The following SAMD5 variants were observed in gnomAD, a reference collection of about 807,000 sequenced individuals.
SAMD5 encodes the protein sterile alpha motif domain containing 5.
A neutral mutation model predicts 11.3 loss-of-function variants in SAMD5; 13 were observed. The ratio of observed to expected loss-of-function variants is 1.15; its 90% CI spans 0.75 to 1.83. The LOEUF is 1.83. Ranked by LOEUF, SAMD5 falls within the 40% of genes most tolerant of loss-of-function variation. The probability of loss-of-function intolerance (pLI) is 0.00; values close to 1 mark genes in which losing one functional copy is unlikely to be tolerated. For synonymous variants in SAMD5, 129 were observed against 111.3 expected (o/e 1.16, Z -1.00); for missense variants, 255 against 239.1 (o/e 1.07, Z -0.44).
the SAMD5 span, among the ~76,000 whole-genome samples, chr6:147,932,500 G>A: frequency 1.3e-5 from 2 of 151,768 alleles, no homozygotes; most frequent in Non-Finnish European, 2.9e-5. Flanking sequence ...TTTAACTCAA[G>A]CAAATACTAA....
the SAMD5 span, among the ~76,000 whole-genome samples, chr6:147,907,321 C>A: frequency 5.1e-4 from 78 of 152,296 alleles, no homozygotes; most frequent in Non-Finnish European, 9.3e-4. Context: ...TAAATATTCT[C>A]TCCTCCCTTC....
At chr6:147,745,569 T>C in the SAMD5 span, among the ~76,000 whole-genome samples, 1 of 152,288 alleles carries the variant, frequency 6.6e-6, no homozygotes, top group Middle Eastern at 3.4e-3. Flanking sequence ...CAGACAAATC[T>C]GCTCCTGAGA....
chr6:147,635,297 A>G (rs1003547953), intron 1 of SAMD5, among the ~76,000 whole-genome samples: 2 of 152,200 alleles, frequency 1.3e-5, no homozygotes, highest in Admixed American at 6.5e-5. Context: ...TTCATGAAAA[A>G]TAGCCATTTC....
At chr6:147,804,052 C>T in the SAMD5 span, among the ~76,000 whole-genome samples, 1 of 152,004 alleles carries the variant, frequency 6.6e-6, no homozygotes, top group South Asian at 2.1e-4. Flanking sequence ...TATTCAGCCA[C>T]AGCATGTTGG....
the SAMD5 span, among the ~76,000 whole-genome samples, chr6:147,769,924 A>C: frequency 2.6e-5 from 4 of 152,232 alleles, no homozygotes; most frequent in African/African-American, 9.6e-5. Context: ...GCATGAATCC[A>C]GTGGCGCTTG....
chr6:147,830,251 C>CTTTTTTTTTTTTTTTTTTTTTTTTTTTA, the SAMD5 span, among the ~76,000 whole-genome samples: 1 of 84,934 alleles, frequency 1.2e-5, no homozygotes, highest in Non-Finnish European at 2.2e-5. Context: ...TTCTTTCTTT[C>CTTTTTTTTTTTTTTTTTTTTTTTTTTTA]TTTTTTTTTT....
the SAMD5 span, among the ~76,000 whole-genome samples, chr6:147,837,991 C>T: frequency 4.8e-4 from 73 of 151,976 alleles, no homozygotes; most frequent in African/African-American, 7.0e-4. Context: ...TTCCAGTCAC[C>T]GCCCTCAAGA....
At chr6:147,799,435 T>A in the SAMD5 span, among the ~76,000 whole-genome samples, 2 of 151,884 alleles carry the variant, frequency 1.3e-5, no homozygotes, top group Non-Finnish European at 2.9e-5. Flanking sequence ...TGCCGAGAGA[T>A]CCGCTGTTAG....
At chr6:147,723,769 G>C (rs868676533) in intron 1 of SAMD5, among the ~76,000 whole-genome samples, 3 of 152,158 alleles carry the variant, frequency 2.0e-5, no homozygotes, top group Non-Finnish European at 2.9e-5. Flanking sequence ...TCTTTCCTTG[G>C]AGGGAACTGC....
chr6:147,537,563 TA>T (rs2128441690), intron 1 of SAMD5, among the ~76,000 whole-genome samples: 1 of 151,342 alleles, frequency 6.6e-6, no homozygotes, highest in Admixed American at 6.6e-5. Context: ...CTATCCTGGC[TA>T]ACCCGGTGAA....
At chr6:147,843,467 A>G in the SAMD5 span, among the ~76,000 whole-genome samples, 1 of 152,206 alleles carries the variant, frequency 6.6e-6, no homozygotes, top group Non-Finnish European at 1.5e-5. Context: ...TTCCAATGTC[A>G]TTCTTCACAG....
chr6:147,624,727 G>A (rs1373612000), intron 1 of SAMD5, among the ~76,000 whole-genome samples: 1 of 152,102 alleles, frequency 6.6e-6, no homozygotes. Context: ...TGGGGGAAAG[G>A]GTGGGAAGTG....
At position 147,691,620 on chromosome 6, in the gene SAMD5, A is replaced by G. The variant is rs1006135352; in HGVS notation, c.163-45697A>G. Among the ~76,000 whole-genome samples the G allele has an allele frequency of 9.2e-5, 14 of 152,030 alleles. 1 individual carries two copies. Among genetic ancestry groups the G allele is most frequent in the African/African-American group, 3.1e-4 (13 of 41,442 alleles). ...GAAGCCATCATTACTCAATCTTGCAACTCCTCTTTTGGAGTCGTCTGTAAG... is the reference window on the plus strand; with the variant it reads ...GAAGCCATCATTACTCAATCTTGCAGCTCCTCTTTTGGAGTCGTCTGTAAG... On this transcript the variant is annotated intron_variant, in intron 1 of 1. Coordinates refer to the SAMD5 transcript ENST00000566741.
At chr6:147,938,636 G>C in the SAMD5 span, among the ~76,000 whole-genome samples, 1 of 152,244 alleles carries the variant, frequency 6.6e-6, no homozygotes, top group African/African-American at 2.4e-5. Flanking sequence ...TTTCCAAGCT[G>C]TAGTGATTAT....
intron 1 of SAMD5, among the ~76,000 whole-genome samples, chr6:147,628,494 C>T (rs1490692145): frequency 3.3e-5 from 5 of 152,204 alleles, no homozygotes; most frequent in African/African-American, 1.2e-4. Flanking sequence ...AGATTATTCG[C>T]TTTGATGATG....
At chr6:147,689,550 G>A (rs947234870) in intron 1 of SAMD5, among the ~76,000 whole-genome samples, 2 of 152,186 alleles carry the variant, frequency 1.3e-5, no homozygotes, top group African/African-American at 4.8e-5. Context: ...CCTTTTCCCA[G>A]TCAAAGGAAC....
At chr6:147,593,637 T>C (rs963307151) in intron 1 of SAMD5, among the ~76,000 whole-genome samples, 6 of 152,116 alleles carry the variant, frequency 3.9e-5, no homozygotes, top group African/African-American at 1.4e-4. Flanking sequence ...TTTCAGAGAG[T>C]GACATAACTT....
the SAMD5 span, among the ~76,000 whole-genome samples, chr6:147,892,937 G>T: frequency 1.3e-5 from 2 of 152,182 alleles, no homozygotes; most frequent in African/African-American, 2.4e-5. Context: ...TATGGGCCAG[G>T]TGTGGTGGCT....
chr6:147,874,714 A>G, the SAMD5 span, among the ~76,000 whole-genome samples: 3 of 104,988 alleles, frequency 2.9e-5, no homozygotes, highest in Non-Finnish European at 6.8e-5. Context: ...TCACAGCATC[A>G]GTACTTTTGA....
Sources: gnomAD v4.1 joint callset for allele counts (sites outside exome capture counted in the v4.1 genomes callset) on GRCh38, gnomAD v4.1.1 for gene constraint, MANE v1.5 for transcripts, NCBI Gene and HGNC (gene_info 2026-07-23, HGNC 2026-07-21) for gene names.